TBL1X: variants seen among roughly 807,000 people sequenced by gnomAD.
TBL1X encodes F-box-like/WD repeat-containing protein TBL1X.
A neutral mutation model predicts 50.7 loss-of-function variants in TBL1X; 10 were observed. The ratio of observed to expected loss-of-function variants is 0.20; its 90% CI spans 0.12 to 0.33. TBL1X has a LOEUF of 0.33. TBL1X is among the 10% of genes least tolerant of loss of function. TBL1X has a pLI of 1.00. For missense variants in TBL1X, 340 were observed against 504.4 expected, an observed-to-expected ratio of 0.67 and a Z score of 3.12; for synonymous variants, 190 against 214.7, an observed-to-expected ratio of 0.88 and a Z score of 1.01.
chrX:9,691,984 G>GGATCCA, intron 8 of TBL1X, 129 bp from the exon 9 acceptor site: 1 of 1,048,653 alleles, frequency 9.5e-7, no homozygotes, highest in African/African-American at 1.9e-5. Context: ...AGGGAAACAG[G>GGATCCA]GATCCAGAGG....
intron 15 of TBL1X, among the ~76,000 whole-genome samples, chrX:9,710,827 C>T (rs887152562): frequency 3.6e-5 from 4 of 112,128 alleles, no homozygotes; most frequent in African/African-American, 1.3e-4. Flanking sequence ...GTGATCCTCC[C>T]ACCTTGGCCT....
intron 1 of TBL1X, among the ~76,000 whole-genome samples, chrX:9,493,340 T>G (rs2081956909): frequency 8.9e-6 from 1 of 111,975 alleles, no homozygotes; most frequent in South Asian, 3.7e-4. Context: ...TCGGCCCACT[T>G]GTACAGCATG....
Position 9,684,598 on chromosome X carries a change from T to TTA in TBL1X, c.357+410_357+411insTA, listed in dbSNP as rs746186550. ...TGCAGTGAGACTCCATCTCTAAAAT[T>TTA]AAAAAAAAAAAAAAAAAAGGAAGAA... On this transcript the variant is annotated intron_variant, in intron 6 of 17. Transcript: ENST00000645353. Among the ~76,000 whole-genome samples the TTA allele has an allele frequency of 9.6e-3, 491 of 51,279 alleles. 7 individuals carry two copies. The highest frequency in any genetic ancestry group is 0.039 in the African/African-American group (468 of 12,023). 44.5% of individuals were successfully genotyped at this position (51,279 alleles called of 115,157 possible). A position where few individuals can be genotyped will look rare whatever the true frequency, so the allele number is the denominator to read the frequency against.
chrX:9,685,973 G>A (rs969093763), intron 6 of TBL1X, among the ~76,000 whole-genome samples: 5 of 111,336 alleles, frequency 4.5e-5, no homozygotes, highest in Non-Finnish European at 9.4e-5. Context: ...TCCCGCCTTG[G>A]CCTCCCAAAG....
intron 2 of TBL1X, among the ~76,000 whole-genome samples, chrX:9,584,422 G>A (rs1039844917): frequency 1.8e-5 from 2 of 112,303 alleles, no homozygotes; most frequent in African/African-American, 6.5e-5. Flanking sequence ...TAAAAAGCAA[G>A]ACAGATACCT....
At chrX:9,670,719 A>G (rs766084322) in intron 5 of TBL1X, among the ~76,000 whole-genome samples, 1 of 112,701 alleles carries the variant, frequency 8.9e-6, no homozygotes, top group Non-Finnish European at 1.9e-5. Flanking sequence ...ACACGTTTCC[A>G]TGGATTCAGG....
upstream of TBL1X, among the ~76,000 whole-genome samples, chrX:9,464,386 A>G (rs2081755867): frequency 9.0e-6 from 1 of 111,002 alleles, no homozygotes; most frequent in Non-Finnish European, 1.9e-5. Context: ...GTTTGTCCCT[A>G]AGCATTTCTG....
At chrX:9,689,515 G>C (rs1258907689) in intron 7 of TBL1X, among the ~76,000 whole-genome samples, 1 of 111,915 alleles carries the variant, frequency 8.9e-6, no homozygotes, top group Non-Finnish European at 1.9e-5. Flanking sequence ...ACAATTGTGG[G>C]GCAGGAAAAG....
intron 2 of TBL1X, among the ~76,000 whole-genome samples, chrX:9,578,105 G>A (rs1483888560): frequency 9.0e-6 from 1 of 111,576 alleles, no homozygotes; most frequent in Admixed American, 9.4e-5. Context: ...AAGGAAGTGG[G>A]GATGACCACG....
chrX:9,661,043 T>G (rs1382010429), intron 5 of TBL1X, among the ~76,000 whole-genome samples: 1 of 112,080 alleles, frequency 8.9e-6, no homozygotes, highest in Non-Finnish European at 1.9e-5. Flanking sequence ...ATCTGCCACA[T>G]GTTGATCGTG....
chrX:9,523,254 C>A (rs752889564), intron 2 of TBL1X, among the ~76,000 whole-genome samples: 17 of 111,854 alleles, frequency 1.5e-4, no homozygotes, highest in Non-Finnish European at 3.0e-4. Flanking sequence ...CTGGCCTCTG[C>A]CCCGCTTGAA....
At chrX:9,556,204 AC>A (rs1569054322) in intron 2 of TBL1X, among the ~76,000 whole-genome samples, 317 of 27,315 alleles carry the variant, frequency 0.012, no homozygotes, top group Admixed American at 0.02. Flanking sequence ...AAAAAACAAA[AC>A]AAAACAAAAA....
intron 2 of TBL1X, among the ~76,000 whole-genome samples, chrX:9,586,774 C>T (rs1429926243): frequency 2.7e-5 from 3 of 111,342 alleles, no homozygotes; most frequent in Non-Finnish European, 5.7e-5. Context: ...GTACTGCATG[C>T]CTTTAGTCCC....
At chrX:9,605,802 C>T (rs2082580055) in intron 2 of TBL1X, among the ~76,000 whole-genome samples, 1 of 112,233 alleles carries the variant, frequency 8.9e-6, no homozygotes, top group African/African-American at 3.2e-5. Flanking sequence ...TGCTTGAAGG[C>T]AGACAAGTCA....
At chrX:9,566,014 A>G (rs1331637793) in intron 2 of TBL1X, among the ~76,000 whole-genome samples, 1 of 112,249 alleles carries the variant, frequency 8.9e-6, no homozygotes, top group Non-Finnish European at 1.9e-5. Context: ...TTTAAAAAAA[A>G]TTTTGTACAT....
intron 1 of TBL1X, among the ~76,000 whole-genome samples, chrX:9,471,634 C>G (rs933174700): frequency 8.9e-6 from 1 of 111,846 alleles, no homozygotes; most frequent in Non-Finnish European, 1.9e-5. Context: ...CACAGCGAGT[C>G]AGAAGGCGCT....
chrX:9,616,056 G>A (rs2082637830), intron 2 of TBL1X, among the ~76,000 whole-genome samples: 1 of 111,796 alleles, frequency 8.9e-6, no homozygotes, highest in Non-Finnish European at 1.9e-5. Flanking sequence ...CGTGCTACTG[G>A]ATAAAAATGT....
intron 2 of TBL1X, among the ~76,000 whole-genome samples, chrX:9,598,958 T>C (rs920100696): frequency 9.1e-6 from 1 of 109,523 alleles, no homozygotes; most frequent in African/African-American, 3.3e-5. Context: ...TTTGTTTTTT[T>C]TTTTAGACGG....
intron 2 of TBL1X, among the ~76,000 whole-genome samples, chrX:9,558,317 A>T (rs1054804709): frequency 2.0e-4 from 22 of 111,798 alleles, no homozygotes; most frequent in African/African-American, 7.2e-4. Context: ...CAGGAGTTAG[A>T]GACTAGCCTG....
Sources: allele counts gnomAD v4.1 joint callset (sites outside exome capture counted in the v4.1 genomes callset), GRCh38; gene constraint gnomAD v4.1.1; transcripts MANE v1.5; gene names NCBI Gene and HGNC (gene_info 2026-07-23, HGNC 2026-07-21).